Variants in GALNTL6 observed in about 807,000 individuals in gnomAD.
The protein encoded by GALNTL6 is polypeptide N-acetylgalactosaminyltransferase like 6.
In GALNTL6, 46 loss-of-function variants were observed where a neutral mutation model predicts 73.7. The ratio of observed to expected loss-of-function variants is 0.62; its 90% CI spans 0.49 to 0.80. The LOEUF (loss-of-function observed/expected upper bound fraction) is 0.80. GALNTL6 is among the 30% of genes least tolerant of loss of function. The probability of loss-of-function intolerance (pLI) is 0.00; values close to 1 mark genes in which losing one functional copy is unlikely to be tolerated. For synonymous variants in GALNTL6, 259 were observed against 263.7 expected (o/e 0.98, Z 0.17); for missense variants, 604 against 755.0 (o/e 0.80, Z 2.34).
chr4:172,171,569 C>T (rs552180573), intron 2 of GALNTL6, among the ~76,000 whole-genome samples: 27 of 151,852 alleles, frequency 1.8e-4, no homozygotes, highest in Non-Finnish European at 2.8e-4. Context: ...TGGCTTATGC[C>T]TATAATCCCA....
At chr4:172,815,833 TTA>T (rs1741572653) in intron 7 of GALNTL6, among the ~76,000 whole-genome samples, 1 of 152,344 alleles carries the variant, frequency 6.6e-6, no homozygotes, top group Admixed American at 6.5e-5. Context: ...GCCTTAAGTC[TTA>T]TTGATTCCTA....
intron 5 of GALNTL6, among the ~76,000 whole-genome samples, chr4:172,602,223 G>C (rs1738085102): frequency 6.6e-6 from 1 of 152,096 alleles, no homozygotes; most frequent in Admixed American, 6.6e-5. Flanking sequence ...AATTCTTTAG[G>C]ATGGGTGAAA....
intron 7 of GALNTL6, among the ~76,000 whole-genome samples, chr4:172,878,362 T>C (rs902012509): frequency 4.6e-5 from 7 of 151,914 alleles, no homozygotes; most frequent in Admixed American, 3.3e-4. Flanking sequence ...TAAAACGGTG[T>C]TCAAAATAAA....
At chr4:172,684,931 C>T (rs1298412129) in intron 5 of GALNTL6, among the ~76,000 whole-genome samples, 1 of 152,164 alleles carries the variant, frequency 6.6e-6, no homozygotes, top group African/African-American at 2.4e-5. Context: ...ACTTCTTGCT[C>T]ACTCTAGCTG....
intron 9 of GALNTL6, among the ~76,000 whole-genome samples, chr4:172,947,574 C>T (rs1205743001): frequency 5.7e-5 from 6 of 105,390 alleles, no homozygotes; most frequent in African/African-American, 1.3e-4. Flanking sequence ...TTTCTTTCCC[C>T]TTGATAAATT....
rs556154181 is a variant in GALNTL6, at chr4:172,485,369, GAT to G, written c.553+136682_553+136683del. On this transcript the variant is annotated intron_variant, in intron 5 of 12. Transcript: ENST00000506823. ...AAAATGAAATAATAAGCTATAATGA[GAT>G]AGAATACCAGAGTACATCTCGCATA... 3.1e-3 allele frequency among the ~76,000 whole-genome samples: 465 copies of G among 152,162 alleles called. 2 individuals carry two copies. The highest frequency in any genetic ancestry group is 0.01 in the African/African-American group (431 of 41,528).
chr4:172,326,084 A>G (rs994904572), intron 4 of GALNTL6, among the ~76,000 whole-genome samples: 4 of 151,954 alleles, frequency 2.6e-5, no homozygotes, highest in Non-Finnish European at 5.9e-5. Flanking sequence ...AAACCAACAC[A>G]TAGTTTAATA....
intron 5 of GALNTL6, among the ~76,000 whole-genome samples, chr4:172,353,331 A>T (rs562865518): frequency 1.3e-5 from 2 of 152,076 alleles, no homozygotes; most frequent in Non-Finnish European, 2.9e-5. Flanking sequence ...AGTGAATAAT[A>T]TGGGTGCAAT....
At position 172,325,710 on chromosome 4, in the gene GALNTL6, G is replaced by A. The variant is rs1740918551; in HGVS notation, c.386+13958G>A. ...GTAAAATACTCATTTTAAATACACT[G>A]GAAAAATGAAGTATATATTCTTTAT... On this transcript the variant is annotated intron_variant, in intron 4 of 12. Coordinates refer to ENST00000506823, the MANE Select transcript of GALNTL6 (RefSeq NM_001034845.3). Among the ~76,000 whole-genome samples, 5 of 151,552 alleles carry A rather than the reference G, an allele frequency of 3.3e-5. No homozygotes were observed. In the South Asian group the frequency reaches 1.0e-3, roughly 31 times the overall value.
chr4:171,901,219 T>C (rs867867418), intron 2 of GALNTL6, among the ~76,000 whole-genome samples: 19 of 152,194 alleles, frequency 1.2e-4, no homozygotes, highest in Middle Eastern at 3.4e-3. Context: ...TTTAAGAAGA[T>C]TGGGAAGGCA....
chr4:172,945,854 G>A (rs867800046), intron 9 of GALNTL6, among the ~76,000 whole-genome samples: 2 of 152,090 alleles, frequency 1.3e-5, no homozygotes, highest in African/African-American at 4.8e-5. Context: ...AGTGAGGTTG[G>A]GGCTGCCTTA....
In GALNTL6 at chr4:172,825,082, CTTTCTTTCTTTCTTT is replaced by C. The variant is rs1742178487; in HGVS notation, c.923+11360_923+11374del. 2.3e-4 allele frequency among the ~76,000 whole-genome samples: 4 copies of C among 17,776 alleles called. No homozygotes were observed. The South Asian group carries it at 8.7e-3, about 38-fold the overall frequency. 11.7% of individuals were successfully genotyped at this position (17,776 alleles called of 152,430 possible). A position where few individuals can be genotyped will look rare whatever the true frequency, so the allele number is the denominator to read the frequency against. ...TTTTTTTTTTTTTTGGTTATCTTTT[CTTTCTTTCTTTCTTT>C]CTTTCTTTCTTTCTTTCTTTCTTTC... On this transcript the variant is annotated intron_variant, in intron 7 of 12. Transcript: ENST00000506823.
intron 2 of GALNTL6, among the ~76,000 whole-genome samples, chr4:172,127,530 T>G (rs1254234525): frequency 6.6e-6 from 1 of 152,266 alleles, no homozygotes; most frequent in Non-Finnish European, 1.5e-5. Context: ...ATACTTGGAT[T>G]ACTTATGAAA....
chr4:172,152,032 A>G (rs1942730953), intron 2 of GALNTL6, among the ~76,000 whole-genome samples: 1 of 151,838 alleles, frequency 6.6e-6, no homozygotes, highest in African/African-American at 2.4e-5. Context: ...GCTGGAGTGC[A>G]GTGGTGAAAT....
chr4:171,906,292 T>TA (rs1453846177), intron 2 of GALNTL6, among the ~76,000 whole-genome samples: 1 of 130,756 alleles, frequency 7.6e-6, no homozygotes, highest in African/African-American at 3.0e-5. Context: ...ATAGACGCAA[T>TA]AAAAAATGAT....
At chr4:172,230,653 C>T (rs1197200104) in intron 3 of GALNTL6, among the ~76,000 whole-genome samples, 3 of 151,664 alleles carry the variant, frequency 2.0e-5, no homozygotes. Context: ...CTGTTGTGAA[C>T]AGAAATTCAG....
intron 2 of GALNTL6, among the ~76,000 whole-genome samples, chr4:171,951,449 C>A (rs1738875222): frequency 6.6e-6 from 1 of 151,640 alleles, no homozygotes; most frequent in African/African-American, 2.4e-5. Flanking sequence ...ATGAATGCAA[C>A]AAAAATGGGA....
chr4:172,721,017 T>C (rs1251355236), intron 5 of GALNTL6, among the ~76,000 whole-genome samples: 1 of 152,092 alleles, frequency 6.6e-6, no homozygotes, highest in African/African-American at 2.4e-5. Flanking sequence ...CAGAAGAAAA[T>C]ATTAAGTATT....
At chr4:172,206,784 TTTG>T (rs1736129082) in intron 2 of GALNTL6, among the ~76,000 whole-genome samples, 3 of 55,330 alleles carry the variant, frequency 5.4e-5, no homozygotes, top group Non-Finnish European at 1.5e-4. Context: ...TGTTTTTTGT[TTTG>T]TTTTGTTTTG....
Sources: gnomAD v4.1 joint callset for allele counts (sites outside exome capture counted in the v4.1 genomes callset) on GRCh38, gnomAD v4.1.1 for gene constraint, MANE v1.5 for transcripts, NCBI Gene and HGNC (gene_info 2026-07-23, HGNC 2026-07-21) for gene names.